Variants in AFG1L observed in about 807,000 individuals in gnomAD.
The protein encoded by AFG1L is AFG1-like ATPase.
AFG1L carries 53 observed loss-of-function variants against 62.2 expected under a neutral mutation model. That is an observed-to-expected ratio of 0.85 (90% CI 0.68 to 1.07). AFG1L has a LOEUF of 1.07. Among genes scored for constraint, AFG1L ranks in the 50% least tolerant of loss-of-function variants. AFG1L has a pLI of 0.00. For synonymous variants in AFG1L, 228 were observed against 210.3 expected, an observed-to-expected ratio of 1.08 and a Z score of -0.73; for missense variants, 555 against 590.5, an observed-to-expected ratio of 0.94 and a Z score of 0.62.
At chr6:108,403,854 T>C (rs143763583) in intron 7 of AFG1L, among the ~76,000 whole-genome samples, 74 of 151,994 alleles carry the variant, frequency 4.9e-4, no homozygotes, top group African/African-American at 1.6e-3. Flanking sequence ...CATACTTCAA[T>C]ATATAATAGC....
chr6:108,433,885 G>A (rs1771191026), intron 7 of AFG1L, among the ~76,000 whole-genome samples: 1 of 152,162 alleles, frequency 6.6e-6, no homozygotes, highest in Non-Finnish European at 1.5e-5. Flanking sequence ...GAGCCACTGT[G>A]CCCGGCCACA....
At chr6:108,351,935 TTTAA>T (rs1180796154) in intron 3 of AFG1L, among the ~76,000 whole-genome samples, 1 of 152,244 alleles carries the variant, frequency 6.6e-6, no homozygotes, top group East Asian at 1.9e-4. Context: ...TAAAAATGTA[TTTAA>T]TTGTTTTTAT....
At chr6:108,508,459 C>T (rs1181211993) in intron 10 of AFG1L, among the ~76,000 whole-genome samples, 1 of 152,178 alleles carries the variant, frequency 6.6e-6, no homozygotes, top group Non-Finnish European at 1.5e-5. Flanking sequence ...AGCTTGCCTC[C>T]TCCTGGCTGC....
intron 10 of AFG1L, among the ~76,000 whole-genome samples, chr6:108,492,965 G>T (rs1773829675): frequency 6.6e-6 from 1 of 151,970 alleles, no homozygotes. Context: ...CACAGAGAGA[G>T]ACATACATTT....
At chr6:108,322,967 G>A (rs1157008323) in intron 1 of AFG1L, among the ~76,000 whole-genome samples, 2 of 152,196 alleles carry the variant, frequency 1.3e-5, no homozygotes, top group South Asian at 2.1e-4. Context: ...CTTTGAAGCA[G>A]ACACTCTTGC....
rs778702737 is a variant in AFG1L at position 108,366,261 on chromosome 6, T to C, written c.677T>C (p.Leu226Pro). Residue 226 changes from leucine to proline, a missense_variant, in exon 6 of 13, where the codon CTG (leucine) becomes CCG (proline). Transcript: ENST00000368977. ...ACTGACATTGCTGATGCCATGATTC[T>C]GAAACAGCTTTTTGAAAATCTGTTC... ...QVTDIADAMI[L>P]KQLFENLFKN... 1.2e-6 allele frequency: 2 copies of C among 1,610,546 alleles called. No individual in the cohort carries two copies. The highest frequency in any genetic ancestry group is 4.5e-5 in the East Asian group (2 of 44,848).
At chr6:108,379,354 T>A (rs1373779243) in intron 6 of AFG1L, among the ~76,000 whole-genome samples, 1 of 151,928 alleles carries the variant, frequency 6.6e-6, no homozygotes, top group East Asian at 1.9e-4. Flanking sequence ...GGCTGTGGAG[T>A]TTGTCTTACA....
intron 10 of AFG1L, among the ~76,000 whole-genome samples, chr6:108,491,887 C>G (rs1039937072): frequency 4.6e-5 from 7 of 152,164 alleles, no homozygotes; most frequent in Non-Finnish European, 1.5e-5. Context: ...CACTTCTTTT[C>G]CAGCTCTGAT....
At chr6:108,298,040 A>G (rs1015625482) in intron 1 of AFG1L, among the ~76,000 whole-genome samples, 2 of 151,988 alleles carry the variant, frequency 1.3e-5, no homozygotes, top group Non-Finnish European at 2.9e-5. Context: ...CTCTATAAAA[A>G]TTATTGTCTT....
At chr6:108,314,633 A>T (rs1777524626) in intron 1 of AFG1L, among the ~76,000 whole-genome samples, 1 of 152,104 alleles carries the variant, frequency 6.6e-6, no homozygotes, top group Admixed American at 6.6e-5. Context: ...TCCTGAGCTC[A>T]GGCCATCCGC....
chr6:108,347,172 G>T, intron 3 of AFG1L, 133 bp downstream of exon 3: 1 of 734,424 alleles, frequency 1.4e-6, no homozygotes, highest in Admixed American at 2.5e-5. Flanking sequence ...AAGGTAGGGA[G>T]AGAAGAAAAG....
Position 108,492,961 on chromosome 6 carries a change from G to C in AFG1L, c.1062+15669G>C, listed in dbSNP as rs147218691. Among the ~76,000 whole-genome samples the C allele has an allele frequency of 9.6e-3, 1,459 of 151,906 alleles. 19 individuals carry two copies. Among genetic ancestry groups the C allele is most frequent in the African/African-American group, 0.033 (1,373 of 41,488 alleles). ...TTATACACACACACACACACACAGA[G>C]AGAGACATACATTTGTAACGGCATG... On this transcript the variant is annotated intron_variant, in intron 10 of 12. Transcript: ENST00000368977.
At chr6:108,317,437 A>T (rs1777648348) in intron 1 of AFG1L, among the ~76,000 whole-genome samples, 1 of 152,212 alleles carries the variant, frequency 6.6e-6, no homozygotes, top group African/African-American at 2.4e-5. Context: ...GTGGGACAAC[A>T]GGACCAGTTG....
chr6:108,495,702 C>G (rs1435453039), intron 10 of AFG1L, among the ~76,000 whole-genome samples: 2 of 152,150 alleles, frequency 1.3e-5, no homozygotes, highest in Admixed American at 6.5e-5. Context: ...AAGCTGTATA[C>G]TCTTGGTAAT....
intron 10 of AFG1L, among the ~76,000 whole-genome samples, chr6:108,486,842 T>G (rs1216844115): frequency 6.6e-6 from 1 of 152,092 alleles, no homozygotes; most frequent in Admixed American, 6.5e-5. Context: ...ATAGCAGGGA[T>G]TACAGGCACA....
At chr6:108,354,371 A>G (rs1779188384) in intron 3 of AFG1L, among the ~76,000 whole-genome samples, 2 of 151,844 alleles carry the variant, frequency 1.3e-5, no homozygotes, top group East Asian at 3.9e-4. Context: ...GTGCAGTGGC[A>G]CGATCTCACT....
intron 1 of AFG1L, among the ~76,000 whole-genome samples, chr6:108,314,083 T>C (rs951238989): frequency 6.6e-6 from 1 of 151,772 alleles, no homozygotes; most frequent in Non-Finnish European, 1.5e-5. Context: ...TACAAAAAAT[T>C]AGCCAGACGT....
At chr6:108,522,187 A>C in intron 12 of AFG1L, 110 bp from the exon 13 acceptor site, 1 of 906,690 alleles carries the variant, frequency 1.1e-6, no homozygotes. Flanking sequence ...GTTATAAAAA[A>C]AGGCATAATC....
At chr6:108,355,849 G>C in intron 4 of AFG1L, 94 bp downstream of exon 4, 1 of 863,524 alleles carries the variant, frequency 1.2e-6, no homozygotes, top group Non-Finnish European at 1.8e-6. Flanking sequence ...TTAAAAATTA[G>C]ATTTTTGCTT....
Sources: gnomAD v4.1 joint callset for allele counts (sites outside exome capture counted in the v4.1 genomes callset) on GRCh38, gnomAD v4.1.1 for gene constraint, MANE v1.5 for transcripts, NCBI Gene and HGNC (gene_info 2026-07-23, HGNC 2026-07-21) for gene names.